The following ADARB1 variants were observed in gnomAD, a reference collection of about 807,000 sequenced individuals.
ADARB1 encodes double-stranded RNA-specific editase 1.
A neutral mutation model predicts 52.4 loss-of-function variants in ADARB1; 10 were observed. The ratio of observed to expected loss-of-function variants is 0.19; its 90% CI spans 0.12 to 0.32. ADARB1 has a LOEUF of 0.32. Among genes scored for constraint, ADARB1 ranks in the 10% least tolerant of loss-of-function variants. The pLI is 1.00. For synonymous variants in ADARB1, 349 were observed against 371.1 expected, an observed-to-expected ratio of 0.94 and a Z score of 0.68; for missense variants, 643 against 922.3, an observed-to-expected ratio of 0.70 and a Z score of 3.92.
At chr21:45,120,133 C>G (rs2088079165) in intron 1 of ADARB1, among the ~76,000 whole-genome samples, 1 of 152,164 alleles carries the variant, frequency 6.6e-6, no homozygotes, top group African/African-American at 2.4e-5. Context: ...CATGGACTAG[C>G]CCTTAGTTGC....
At chr21:45,211,811 T>G (rs924117901) in intron 9 of ADARB1, among the ~76,000 whole-genome samples, 1 of 152,196 alleles carries the variant, frequency 6.6e-6, no homozygotes, top group East Asian at 1.9e-4. Context: ...TTACCCTAGT[T>G]CCCTCTTTGC....
intron 2 of ADARB1, among the ~76,000 whole-genome samples, chr21:45,150,898 G>T (rs145856566): frequency 1.3e-5 from 2 of 152,304 alleles, no homozygotes; most frequent in Non-Finnish European, 2.9e-5. Context: ...CACAAATTCA[G>T]TACACCACAC....
intron 1 of ADARB1, among the ~76,000 whole-genome samples, chr21:45,086,395 T>C (rs1020876563): frequency 6.6e-6 from 1 of 152,174 alleles, no homozygotes; most frequent in Non-Finnish European, 1.5e-5. Flanking sequence ...AATTCAGTGA[T>C]TTTCTGAATG....
chr21:45,174,956 T>C (rs897133734), intron 3 of ADARB1, among the ~76,000 whole-genome samples: 1 of 152,200 alleles, frequency 6.6e-6, no homozygotes, highest in Non-Finnish European at 1.5e-5. Flanking sequence ...TTCAGTTTTG[T>C]GTCTTGTTCT....
chr21:45,114,647 C>T (rs1234537772), intron 1 of ADARB1, among the ~76,000 whole-genome samples: 5 of 152,226 alleles, frequency 3.3e-5, no homozygotes, highest in East Asian at 1.9e-4. Context: ...CTATTAATAA[C>T]GTTGTTGAGG....
Position 45,082,877 on chromosome 21 carries a change from A to G in ADARB1, c.-220+8084A>G, listed in dbSNP as rs141811570. Among the ~76,000 whole-genome samples, 44 of 152,280 alleles carry G rather than the reference A, an allele frequency of 2.9e-4. No homozygotes were observed. In the East Asian group the frequency reaches 7.5e-3, roughly 26 times the overall value. On this transcript the variant is annotated intron_variant, in intron 1 of 10. Coordinates refer to ENST00000348831, the MANE Select transcript of ADARB1 (RefSeq NM_001112.4). The stretch of plus-strand genomic sequence containing the variant: ...CCAGCAGTCGGATCTGAGCCTGTAC[A>G]TGGAAGACATCACGTCATTCTCCTG...
At chr21:45,121,292 T>A (rs1335784196) in intron 1 of ADARB1, among the ~76,000 whole-genome samples, 1 of 152,270 alleles carries the variant, frequency 6.6e-6, no homozygotes, top group East Asian at 1.9e-4. Flanking sequence ...TTCTGGAATG[T>A]GTCCCTTAGG....
At chr21:45,100,344 A>C (rs2086946058) in intron 1 of ADARB1, 1 of 152,208 alleles carries the variant, frequency 6.6e-6, no homozygotes, top group African/African-American at 2.4e-5. Context: ...CCCAAGTCAA[A>C]TACTGCATTG....
chr21:45,199,078 G>A (rs1359665344), intron 8 of ADARB1, among the ~76,000 whole-genome samples: 1 of 152,158 alleles, frequency 6.6e-6, no homozygotes, highest in African/African-American at 2.4e-5. Context: ...CTGGTGATCA[G>A]GCCTGCCTGT....
intron 1 of ADARB1, among the ~76,000 whole-genome samples, chr21:45,087,627 C>T (rs2086398421): frequency 6.6e-6 from 1 of 152,078 alleles, no homozygotes; most frequent in Non-Finnish European, 1.5e-5. Flanking sequence ...AGGTGGGGTG[C>T]AGTGCTGCTC....
rs187092759 is a variant in ADARB1, at chr21:45,155,562, T to C, written c.-47-16048T>C. On this transcript the variant is annotated intron_variant, in intron 2 of 10. Coordinates refer to ENST00000348831, the MANE Select transcript of ADARB1 (RefSeq NM_001112.4). ...AACCTATCATCCATCTGTTCACTCA[T>C]TTACCCATCTACCCACCCATCCATC... Among the ~76,000 whole-genome samples the C allele has an allele frequency of 3.7e-3, 569 of 152,062 alleles. 12 individuals are homozygous for C. Among genetic ancestry groups the C allele is most frequent in the Non-Finnish European group, 2.2e-3 (151 of 67,938 alleles).
At chr21:45,132,989 C>T (rs1446831471) in intron 2 of ADARB1, among the ~76,000 whole-genome samples, 1 of 152,214 alleles carries the variant, frequency 6.6e-6, no homozygotes, top group African/African-American at 2.4e-5. Flanking sequence ...CCTGCCAGCT[C>T]CTCCAGTCTT....
chr21:45,088,193 T>TA (rs2086421776), intron 1 of ADARB1, among the ~76,000 whole-genome samples: 1 of 152,224 alleles, frequency 6.6e-6, no homozygotes, highest in Admixed American at 6.5e-5. Flanking sequence ...CTCCTAGCCT[T>TA]GTCCGTTGGG....
chr21:45,148,653 G>A (rs564437832), intron 2 of ADARB1, among the ~76,000 whole-genome samples: 85 of 152,308 alleles, frequency 5.6e-4, no homozygotes, highest in Non-Finnish European at 9.4e-4. Flanking sequence ...GAGTTCTGCA[G>A]CAGTCAAGAA....
At chr21:45,162,916 ACT>A (rs1487733774) in intron 2 of ADARB1, among the ~76,000 whole-genome samples, 1 of 151,726 alleles carries the variant, frequency 6.6e-6, no homozygotes, top group African/African-American at 2.4e-5. Context: ...GTGAATCTTA[ACT>A]CACAGCACCA....
At chr21:45,077,785 T>C (rs192010885) in intron 1 of ADARB1, among the ~76,000 whole-genome samples, 1 of 152,346 alleles carries the variant, frequency 6.6e-6, no homozygotes, top group East Asian at 1.9e-4. Context: ...AAAACCCATA[T>C]TATTTTGTAT....
At chr21:45,178,613 G>T (rs752541163) in intron 4 of ADARB1, among the ~76,000 whole-genome samples, 1 of 152,138 alleles carries the variant, frequency 6.6e-6, no homozygotes, top group Non-Finnish European at 1.5e-5. Context: ...ATTTCCAAAT[G>T]TGCATTCTAG....
intron 1 of ADARB1, among the ~76,000 whole-genome samples, chr21:45,086,040 A>G (rs2086329563): frequency 6.6e-6 from 1 of 152,190 alleles, no homozygotes. Flanking sequence ...TTTCCTGGAC[A>G]ATGATTTTGA....
At chr21:45,147,140 T>C (rs2090049897) in intron 2 of ADARB1, among the ~76,000 whole-genome samples, 1 of 152,202 alleles carries the variant, frequency 6.6e-6, no homozygotes, top group Admixed American at 6.5e-5. Flanking sequence ...TTCTCAGACC[T>C]GGTTAATCAC....
Sources: gnomAD v4.1 joint callset for allele counts (sites outside exome capture counted in the v4.1 genomes callset) on GRCh38, gnomAD v4.1.1 for gene constraint, MANE v1.5 for transcripts, NCBI Gene and HGNC (gene_info 2026-07-23, HGNC 2026-07-21) for gene names.